EIF4G3: variants seen among roughly 807,000 people sequenced by gnomAD.
The protein encoded by EIF4G3 is eIF-4-gamma 3.
In EIF4G3, 34 loss-of-function variants were observed where a neutral mutation model predicts 186.4. The ratio of observed to expected loss-of-function variants is 0.18; its 90% CI spans 0.14 to 0.24. EIF4G3 has a LOEUF of 0.24. EIF4G3 is among the 10% of genes least tolerant of loss of function. The pLI is 1.00. For missense variants in EIF4G3, 1,536 were observed against 1,948.5 expected (o/e 0.79, Z 3.99); for synonymous variants, 673 against 679.5 (o/e 0.99, Z 0.15).
intron 14 of EIF4G3, among the ~76,000 whole-genome samples, chr1:20,922,153 T>C (rs1358720478): frequency 6.6e-6 from 1 of 152,238 alleles, no homozygotes; most frequent in Non-Finnish European, 1.5e-5. Context: ...TCTTAGAATC[T>C]GAAGACCTCT....
chr1:21,026,519 CAA>C lies in EIF4G3; in HGVS notation c.-66-23713_-66-23712del, dbSNP rs35267047. 6.1e-4 allele frequency among the ~76,000 whole-genome samples: 82 copies of C among 135,472 alleles called. 1 individual carries two copies. The highest frequency in any genetic ancestry group is 1.2e-3 in the South Asian group (5 of 4,198). 88.9% of individuals were successfully genotyped at this position (135,472 alleles called of 152,430 possible). ...TTAGATACAATACCAAAGGCAGAAG[CAA>C]AAAAAAAAAAAAGTAGACAACTTGG... is the stretch of plus-strand genomic sequence containing the variant. On this transcript the variant is annotated intron_variant, in intron 4 of 36. Transcript: ENST00000602326.
chr1:20,864,662 T>C lies in EIF4G3; in HGVS notation c.2820A>G (p.Lys940=). ...TGTTGCCAATGGATCTCCGCCGGGCTTTGTCCTTGGCTTCTTCCAGTTCAT... is the reference window on the plus strand; with the variant it reads ...TGTTGCCAATGGATCTCCGCCGGGCCTTGTCCTTGGCTTCTTCCAGTTCAT... ...LHDELEEAKD[K]ARRRSIGNIK... The change falls in exon 22 of 37, where the codon AAA becomes AAG. Residue 940 remains lysine, a synonymous_variant. Coordinates refer to ENST00000602326, the MANE Select transcript of EIF4G3 (RefSeq NM_001391906.1). The C allele has an allele frequency of 1.2e-6, 2 of 1,614,188 alleles. No individual in the cohort carries two copies. Among genetic ancestry groups the C allele is most frequent in the Non-Finnish European group, 1.7e-6 (2 of 1,180,028 alleles).
intron 2 of EIF4G3, among the ~76,000 whole-genome samples, chr1:21,117,841 A>T (rs990170671): frequency 4.0e-5 from 6 of 151,880 alleles, no homozygotes; most frequent in African/African-American, 1.5e-4. Context: ...ATAAGGACGA[A>T]GATTGCATGA....
chr1:20,965,895 C>T (rs1486045224), intron 12 of EIF4G3, among the ~76,000 whole-genome samples: 2 of 152,140 alleles, frequency 1.3e-5, no homozygotes, highest in Non-Finnish European at 2.9e-5. Flanking sequence ...GAAAGCAATG[C>T]TCTGGGATAA....
chr1:21,176,648 T>C, intron 1 of EIF4G3, 74 bp downstream of exon 1: 2 of 453,438 alleles, frequency 4.4e-6, no homozygotes, highest in South Asian at 2.5e-5. Flanking sequence ...CACCACCGGC[T>C]GCCGGTCTCC....
intron 4 of EIF4G3, among the ~76,000 whole-genome samples, chr1:21,037,876 C>T (rs1326295584): frequency 2.0e-5 from 3 of 152,174 alleles, no homozygotes; most frequent in South Asian, 2.1e-4. Flanking sequence ...AGGCACTGTT[C>T]CACAGCTTTG....
At chr1:21,097,021 A>C (rs2096390191) in intron 2 of EIF4G3, among the ~76,000 whole-genome samples, 1 of 152,230 alleles carries the variant, frequency 6.6e-6, no homozygotes, top group East Asian at 1.9e-4. Context: ...CTGTACACCG[A>C]AAAATGATTA....
chr1:21,026,845 G>A (rs2154571477), intron 4 of EIF4G3, among the ~76,000 whole-genome samples: 1 of 148,744 alleles, frequency 6.7e-6, no homozygotes, highest in East Asian at 2.0e-4. Context: ...GCTGAGGCAC[G>A]ATAATCATTT....
At chr1:21,163,989 G>A (rs893615050) in intron 2 of EIF4G3, among the ~76,000 whole-genome samples, 2 of 152,070 alleles carry the variant, frequency 1.3e-5, no homozygotes, top group African/African-American at 4.8e-5. Context: ...GGCCAGGCTG[G>A]TCTCGTACTC....
Position 20,893,616 on chromosome 1 carries a change from TGGC to T in EIF4G3, c.2151_2153del (p.Pro718del). The T allele has an allele frequency of 6.3e-7, 1 of 1,575,894 alleles. No individual in the cohort carries two copies. The highest frequency in any genetic ancestry group is 8.7e-7 in the Non-Finnish European group (1 of 1,151,412). On this transcript the variant is annotated inframe_deletion, in exon 18 of 37. Coordinates refer to ENST00000602326, the MANE Select transcript of EIF4G3 (RefSeq NM_001391906.1). ...AAATTCGAGGATCCAGAGTTCGCAT[TGGC>T]AATTTGGGTTGGTTGATCTGCATGA...
chr1:20,947,574 G>C (rs921184585), intron 13 of EIF4G3, among the ~76,000 whole-genome samples: 14 of 132,988 alleles, frequency 1.1e-4, no homozygotes, highest in Admixed American at 9.2e-4. Context: ...AAGAACGAGA[G>C]AGCAAGAGAA....
At chr1:20,882,205 ACACACAC>A (rs571538464) in intron 19 of EIF4G3, among the ~76,000 whole-genome samples, 1,602 of 151,230 alleles carry the variant, frequency 0.011, 28 homozygotes, top group Middle Eastern at 0.027. Flanking sequence ...ACACACACAC[ACACACAC>A]ACAAAATCAT....
chr1:20,900,150 G>T (rs1463045610), intron 15 of EIF4G3, among the ~76,000 whole-genome samples: 1 of 152,104 alleles, frequency 6.6e-6, no homozygotes, highest in Admixed American at 6.6e-5. Flanking sequence ...CCATTCAAAT[G>T]GCTGCTGAAA....
At position 21,176,258 on chromosome 1, in the gene EIF4G3, CGCCGCCGCT is replaced by C. The variant is rs1177702134; in HGVS notation, c.-364_-356del. On this transcript the variant is annotated 5_prime_UTR_variant, in exon 2 of 37. Coordinates refer to ENST00000602326, the MANE Select transcript of EIF4G3 (RefSeq NM_001391906.1). ...CCGCCGCCGCCGCCGCCGCCGCCGC[CGCCGCCGCT>C]GCTGCCGCCGCCGGGTGAGGAGGCG... is the stretch of plus-strand genomic sequence containing the variant. 8.0e-5 allele frequency: 30 copies of C among 376,200 alleles called. No homozygotes were observed. Among genetic ancestry groups the C allele is most frequent in the Admixed American group, 3.3e-4 (7 of 21,404 alleles). 23.3% of individuals were successfully genotyped at this position (376,200 alleles called of 1,614,324 possible).
chr1:21,017,718 C>T (rs2089599058), intron 4 of EIF4G3, among the ~76,000 whole-genome samples: 1 of 138,596 alleles, frequency 7.2e-6, no homozygotes, highest in African/African-American at 2.7e-5. Context: ...TGGCATGAAA[C>T]AAAAAAATTT....
chr1:20,884,835 T>G (rs545343489), intron 19 of EIF4G3, among the ~76,000 whole-genome samples: 3 of 152,192 alleles, frequency 2.0e-5, no homozygotes, highest in Non-Finnish European at 4.4e-5. Flanking sequence ...TTACTGAGAA[T>G]TTACTCTCTC....
chr1:20,988,883 G>A (rs1378933563), intron 7 of EIF4G3, among the ~76,000 whole-genome samples: 1 of 151,162 alleles, frequency 6.6e-6, no homozygotes, highest in Non-Finnish European at 1.5e-5. Flanking sequence ...AAACTTCCTG[G>A]AAAGGATTCA....
chr1:21,107,367 T>G (rs1421936514), intron 2 of EIF4G3, among the ~76,000 whole-genome samples: 1 of 151,704 alleles, frequency 6.6e-6, no homozygotes, highest in Non-Finnish European at 1.5e-5. Flanking sequence ...TAGTAAAGAC[T>G]GGCCATGTTG....
chr1:21,042,226 C>T (rs1317498667), intron 4 of EIF4G3, among the ~76,000 whole-genome samples: 2 of 152,200 alleles, frequency 1.3e-5, no homozygotes, highest in Non-Finnish European at 1.5e-5. Flanking sequence ...GAACTGCCCA[C>T]CTCAGCCTCC....
Sources: gnomAD v4.1 joint callset for allele counts (sites outside exome capture counted in the v4.1 genomes callset) on GRCh38, gnomAD v4.1.1 for gene constraint, MANE v1.5 for transcripts, NCBI Gene and HGNC (gene_info 2026-07-23, HGNC 2026-07-21) for gene names.